The following PARP4 variants were observed in gnomAD, a reference collection of about 807,000 sequenced individuals.
The protein encoded by PARP4 is protein mono-ADP-ribosyltransferase PARP4.
In PARP4, 120 loss-of-function variants were observed where a neutral mutation model predicts 187.7. The ratio of observed to expected loss-of-function variants is 0.64; its 90% CI spans 0.55 to 0.74. PARP4 has a LOEUF of 0.74. PARP4 is among the 30% of genes least tolerant of loss of function. PARP4 has a pLI of 0.00. For synonymous variants in PARP4, 654 were observed against 740.9 expected, an observed-to-expected ratio of 0.88 and a Z score of 1.90; for missense variants, 1,836 against 2,070.5, an observed-to-expected ratio of 0.89 and a Z score of 2.20.
intron 32 of PARP4, among the ~76,000 whole-genome samples, chr13:24,427,282 A>G (rs891682259): frequency 2.0e-5 from 3 of 152,306 alleles, no homozygotes; most frequent in South Asian, 2.1e-4. Flanking sequence ...ATATTTTACT[A>G]TATTATGAAA....
intron 10 of PARP4, among the ~76,000 whole-genome samples, chr13:24,487,408 G>A (rs1459930837): frequency 1.3e-5 from 2 of 152,214 alleles, no homozygotes. Flanking sequence ...GACCTCACTG[G>A]TTGTGATGGG....
chr13:24,447,437 T>G (rs1248935273), intron 25 of PARP4, among the ~76,000 whole-genome samples: 3 of 152,226 alleles, frequency 2.0e-5, no homozygotes, highest in Admixed American at 2.0e-4. Flanking sequence ...CTTGGCTGAC[T>G]GCAACCTCCC....
At chr13:24,460,424 T>A (rs1872152967) in intron 17 of PARP4, among the ~76,000 whole-genome samples, 1 of 148,512 alleles carries the variant, frequency 6.7e-6, no homozygotes, top group Admixed American at 6.7e-5. Context: ...GGCTCTCATG[T>A]GTGAGCTCTC....
At chr13:24,424,724 T>G (rs973355467) in intron 33 of PARP4, among the ~76,000 whole-genome samples, 1 of 144,724 alleles carries the variant, frequency 6.9e-6, no homozygotes, top group Non-Finnish European at 1.5e-5. Context: ...CAGGCTGGAG[T>G]GCAGTGGCAC....
intron 1 of PARP4, among the ~76,000 whole-genome samples, chr13:24,507,249 G>A (rs920231788): frequency 3.3e-5 from 5 of 152,350 alleles, no homozygotes; most frequent in Non-Finnish European, 5.9e-5. Flanking sequence ...GTGCAGCGGC[G>A]GGCTGAAGGG....
intron 30 of PARP4, 69 bp from the exon 31 acceptor site, chr13:24,435,543 T>G: frequency 6.8e-7 from 1 of 1,475,904 alleles, no homozygotes; most frequent in Middle Eastern, 2.6e-4. Flanking sequence ...AAGCAAACAT[T>G]CTTCCTAGCA....
In PARP4 at chr13:24,440,397, C is replaced by CA. The variant is rs34174938; in HGVS notation, c.3666+1448dup. On this transcript the variant is annotated intron_variant, in intron 30 of 33. Transcript: ENST00000381989. ...TGGGCGACAGAGCGAGACTCTATCT[C>CA]AAAAAAAAAAAAAATTAAAATTAAA... Among the ~76,000 whole-genome samples the CA allele has an allele frequency of 2.9e-3, 265 of 89,842 alleles. 1 individual carries two copies. The highest frequency in any genetic ancestry group is 8.0e-3 in the African/African-American group (184 of 22,908). 58.9% of individuals were successfully genotyped at this position (89,842 alleles called of 152,430 possible). A position where few individuals can be genotyped will look rare whatever the true frequency, so the allele number is the denominator to read the frequency against.
rs777319457 is a variant in PARP4, at chr13:24,435,329, G to A, written c.3812C>T (p.Ala1271Val). ...TCCACGTTCCAAATTTGATGTGAAA[G>A]CTGGTAGTACACCTAAGCCATCCTC... ...FEEDGLGVLP[A>V]FTSNLERGGV... is the part of the protein sequence containing the mutation. The change falls in exon 31 of 34, where the codon GCT becomes GTT. Residue 1271 changes from alanine to valine, a missense_variant. Transcript: ENST00000381989. 133 of 1,612,456 alleles carry A rather than the reference G, an allele frequency of 8.2e-5. No individual in the cohort carries two copies. In the South Asian group the frequency reaches 1.4e-3, roughly 16 times the overall value.
chr13:24,502,028 A>C (rs1021051072), intron 2 of PARP4, among the ~76,000 whole-genome samples, 194 bp from the exon 3 acceptor site: 1 of 152,214 alleles, frequency 6.6e-6, no homozygotes, highest in Non-Finnish European at 1.5e-5. Flanking sequence ...TTTTTAAAGG[A>C]TATGGCTACG....
At chr13:24,425,543 ATGTGTGTGTG>A (rs34792097) in intron 33 of PARP4, among the ~76,000 whole-genome samples, 23 of 145,002 alleles carry the variant, frequency 1.6e-4, no homozygotes, top group African/African-American at 5.7e-4. Flanking sequence ...GCATGTGTGC[ATGTGTGTGTG>A]TGTGTGTGTG....
At chr13:24,498,702 T>C (rs1474282108) in intron 5 of PARP4, among the ~76,000 whole-genome samples, 1 of 151,972 alleles carries the variant, frequency 6.6e-6, no homozygotes, top group Non-Finnish European at 1.5e-5. Flanking sequence ...GCTGGGACTA[T>C]AGGCAAGTGA....
At chr13:24,508,457 T>A (rs1869828699) in intron 1 of PARP4, among the ~76,000 whole-genome samples, 1 of 152,200 alleles carries the variant, frequency 6.6e-6, no homozygotes. Context: ...TCTCAAAACC[T>A]AGGGCTATGT....
chr13:24,492,532 T>C lies in PARP4; in HGVS notation c.942A>G (p.Ala314=). The C allele has an allele frequency of 6.2e-7, 1 of 1,614,112 alleles. No homozygotes were observed. The highest frequency in any genetic ancestry group is 8.5e-7 in the Non-Finnish European group (1 of 1,179,924). Residue 314 remains alanine (A), a synonymous_variant, in exon 9 of 34, where the codon GCA becomes GCG. Coordinates refer to ENST00000381989, the MANE Select transcript of PARP4 (RefSeq NM_006437.4). ...VKAALKNGET[A]EQLQKMMTEF... is the part of the protein sequence containing the mutation. ...CTGTCATCATCTTTTGCAATTGCTC[T>C]GCTGTTTCTCCATTTTTCAGTGCTG...
At position 24,475,467 on chromosome 13, in the gene PARP4, C is replaced by T. The variant is rs1233287100; in HGVS notation, c.1914+5G>A. 8 of 1,612,814 alleles carry T rather than the reference C, an allele frequency of 5.0e-6. No homozygotes were observed. Among genetic ancestry groups the T allele is most frequent in the Non-Finnish European group, 6.8e-6 (8 of 1,178,930 alleles). ...TTAAGTGTCATAAAGCCACAGACAA[C>T]ATACCTGGGCTACAGTGTCTATGAT... On this transcript the variant is annotated splice_donor_5th_base_variant and intron_variant, in intron 15 of 33. Coordinates refer to ENST00000381989, the MANE Select transcript of PARP4 (RefSeq NM_006437.4).
At chr13:24,465,548 C>G (rs573231187) in intron 17 of PARP4, among the ~76,000 whole-genome samples, 2 of 152,288 alleles carry the variant, frequency 1.3e-5, no homozygotes, top group Admixed American at 6.5e-5. Context: ...GATGTTCTTA[C>G]TTACACGTGG....
Position 24,435,249 on chromosome 13 carries a change from T to C in PARP4, c.3892A>G (p.Thr1298Ala), listed in dbSNP as rs772674275. 2 of 1,613,826 alleles carry C rather than the reference T, an allele frequency of 1.2e-6. No individual in the cohort carries two copies. Among genetic ancestry groups the C allele is most frequent in the Non-Finnish European group, 1.7e-6 (2 of 1,180,008 alleles). Reference protein sequence around the residue: ...SWTESCKPTATEPLFKKVSPW... With the variant: ...SWTESCKPTAAEPLFKKVSPW... ...CTGACTTTCTTAAATAGTGGTTCAGTTGCTGTTGGTTTACATGACTCTGTC... is the reference window on the plus strand; with the variant it reads ...CTGACTTTCTTAAATAGTGGTTCAGCTGCTGTTGGTTTACATGACTCTGTC... The change falls in exon 31 of 34, where the codon ACT becomes GCT. Residue 1298 changes from threonine to alanine, a missense_variant. By Grantham distance (58) the Thr-to-Ala change is moderately conservative. This residue lies in a region of PARP4 where 450 missense variants were observed against 439.2 expected (regional missense o/e 1.02). Transcript: ENST00000381989.
intron 30 of PARP4, among the ~76,000 whole-genome samples, chr13:24,439,972 C>T (rs1360292634): frequency 6.6e-6 from 1 of 152,232 alleles, no homozygotes; most frequent in South Asian, 2.1e-4. Context: ...GGTGAGCCTA[C>T]GGGGCCACCT....
At chr13:24,502,260 G>C (rs1869341718) in intron 2 of PARP4, among the ~76,000 whole-genome samples, 1 of 152,182 alleles carries the variant, frequency 6.6e-6, no homozygotes, top group Middle Eastern at 3.2e-3. Context: ...GACCAGGCTG[G>C]TCTTGAACTC....
chr13:24,472,393 G>A (rs561627637), intron 15 of PARP4, among the ~76,000 whole-genome samples: 9 of 152,270 alleles, frequency 5.9e-5, no homozygotes, highest in East Asian at 1.9e-4. Flanking sequence ...AGTGGGCCCA[G>A]GGGTGGAGGT....
Sources: allele counts gnomAD v4.1 joint callset (sites outside exome capture counted in the v4.1 genomes callset), GRCh38; gene constraint gnomAD v4.1.1; regional missense constraint gnomAD v4.1.1; transcripts MANE v1.5; gene names NCBI Gene and HGNC (gene_info 2026-07-23, HGNC 2026-07-21).